The following DOCK11 variants were observed in gnomAD, a reference collection of about 807,000 sequenced individuals.
DOCK11 encodes dedicator of cytokinesis protein 11.
DOCK11 carries 70 observed loss-of-function variants against 169.1 expected under a neutral mutation model. The observed-to-expected ratio is 0.41, with a 90% CI of 0.34 to 0.51. The LOEUF is 0.51. Among genes scored for constraint, DOCK11 ranks in the 20% least tolerant of loss-of-function variants. DOCK11 has a pLI of 0.10. For missense variants in DOCK11, 1,166 were observed against 1,538.8 expected, an observed-to-expected ratio of 0.76 and a Z score of 4.05; for synonymous variants, 529 against 541.3, an observed-to-expected ratio of 0.98 and a Z score of 0.32.
intron 27 of DOCK11, among the ~76,000 whole-genome samples, chrX:118,610,013 A>G (rs1434089826): frequency 8.9e-6 from 1 of 112,177 alleles, no homozygotes; most frequent in African/African-American, 3.2e-5. Flanking sequence ...ACTCAGAAGC[A>G]TGATATTCCA....
Position 118,608,232 on chromosome X carries a change from A to G in DOCK11, c.2753A>G (p.Tyr918Cys). The G allele has an allele frequency of 1.7e-6, 2 of 1,201,809 alleles. No homozygotes were observed. The highest frequency in any genetic ancestry group is 5.9e-5 in the East Asian group (2 of 33,786). ...TTTTTTTTGTTTGTTTATTTGTAGTATAGCTTCCGACCTGAAAAACCGAGT... is the reference window on the plus strand; with the variant it reads ...TTTTTTTTGTTTGTTTATTTGTAGTGTAGCTTCCGACCTGAAAAACCGAGT... ...LDSYLRSFIK[Y>C]SFRPEKPSAP... The change falls in exon 26 of 53, where the codon TAT becomes TGT. Residue 918 changes from tyrosine to cysteine, a missense_variant and splice_region_variant. Physicochemically the swap from Tyr to Cys is radical, Grantham distance 194. Coordinates refer to ENST00000276202, the MANE Select transcript of DOCK11 (RefSeq NM_144658.4).
intron 1 of DOCK11, among the ~76,000 whole-genome samples, chrX:118,532,801 A>T (rs1569408876): frequency 1.9e-5 from 2 of 105,783 alleles, no homozygotes; most frequent in African/African-American, 3.5e-5. Flanking sequence ...AAAAAAAAGA[A>T]GGTGTGCCTG....
intron 1 of DOCK11, among the ~76,000 whole-genome samples, chrX:118,508,717 T>C (rs2057630381): frequency 8.9e-6 from 1 of 112,310 alleles, no homozygotes; most frequent in African/African-American, 3.2e-5. Context: ...CCTCCCTTGC[T>C]AACTTGACCC....
intron 39 of DOCK11, among the ~76,000 whole-genome samples, chrX:118,642,666 A>G (rs1438530371): frequency 9.0e-6 from 1 of 111,376 alleles, no homozygotes; most frequent in Non-Finnish European, 1.9e-5. Flanking sequence ...TAGCCACTAT[A>G]CCATGCCTTG....
chrX:118,612,704 G>A (rs1250201068), intron 28 of DOCK11, among the ~76,000 whole-genome samples: 1 of 111,973 alleles, frequency 8.9e-6, no homozygotes, highest in Non-Finnish European at 1.9e-5. Context: ...CAAGACAAGA[G>A]TTGAGCATGT....
chrX:118,653,981 C>G (rs2016006670), intron 42 of DOCK11, among the ~76,000 whole-genome samples: 1 of 112,141 alleles, frequency 8.9e-6, no homozygotes, highest in South Asian at 3.6e-4. Context: ...CATGACCTCC[C>G]ATTTGTGTAA....
intron 11 of DOCK11, 45 bp from the exon 12 acceptor site, chrX:118,573,761 C>T: frequency 1.8e-6 from 2 of 1,098,160 alleles, no homozygotes; most frequent in Non-Finnish European, 2.5e-6. Flanking sequence ...CCGCCATGCC[C>T]CCACTAAAGT....
intron 1 of DOCK11, among the ~76,000 whole-genome samples, chrX:118,500,103 C>T (rs2057564556): frequency 9.4e-6 from 1 of 106,743 alleles, no homozygotes; most frequent in East Asian, 2.9e-4. Flanking sequence ...GACTGGAGTG[C>T]GGTGGCGGGA....
chrX:118,627,512 A>C lies in DOCK11; in HGVS notation c.3597A>C (p.Arg1199Ser), dbSNP rs748409909. The change falls in exon 33 of 53, where the codon AGA becomes AGC. Residue 1199 changes from arginine (R) to serine (S), a missense_variant. Arg to Ser is a moderately radical substitution (Grantham distance 110, BLOSUM62 -1). Coordinates refer to ENST00000276202, the MANE Select transcript of DOCK11 (RefSeq NM_144658.4). ...ATCATATTCTGTTACAGGCATCCAG[A>C]GATGAGTTTCCATGTGGCTTTACTT... Reference protein sequence around the residue: ...SCAAMPNSASRDEFPCGFTSP... With the variant: ...SCAAMPNSASSDEFPCGFTSP... 1 of 1,206,844 alleles carries C rather than the reference A, an allele frequency of 8.3e-7. No individual in the cohort carries two copies. The highest frequency in any genetic ancestry group is 1.1e-6 in the Non-Finnish European group (1 of 891,311).
At chrX:118,605,401 C>A in intron 24 of DOCK11, 45 bp downstream of exon 24, 1 of 946,517 alleles carries the variant, frequency 1.1e-6, no homozygotes, top group Non-Finnish European at 1.5e-6. Context: ...TATTTGAGAT[C>A]TTTCTTATTT....
In DOCK11 at chrX:118,531,412, C is replaced by CAAAAAAAAAA. The variant is rs60932296; in HGVS notation, c.103-11283_103-11274dup. Among the ~76,000 whole-genome samples the CAAAAAAAAAA allele has an allele frequency of 3.4e-4, 10 of 29,205 alleles. 3 individuals carry two copies. The highest frequency in any genetic ancestry group is 2.4e-3 in the Admixed American group (4 of 1,634). The allele number at this position is 29,205 out of a possible 115,157, so 25.4% of individuals were successfully genotyped here. On this transcript the variant is annotated intron_variant, in intron 1 of 52. Coordinates refer to ENST00000276202, the MANE Select transcript of DOCK11 (RefSeq NM_144658.4). ...TCGGGGCTGCAGTGAGCCATATACT[C>CAAAAAAAAAA]AAAAAAAAAAAAAAAAAAAAAAAAA...
At position 118,599,121 on chromosome X, in the gene DOCK11, T is replaced by A. The variant is rs377209681; in HGVS notation, c.2473-18T>A. 264 of 1,182,973 alleles carry A rather than the reference T, an allele frequency of 2.2e-4. 1 individual carries two copies. Among genetic ancestry groups the A allele is most frequent in the Admixed American group, 1.3e-3 (57 of 45,228 alleles). ...TAATGAATCAAATTTCATATGGCTG[T>A]TTCCATCTGTGTTCCAGGATCTGCA... On this transcript the variant is annotated intron_variant, in intron 22 of 52. Coordinates refer to ENST00000276202, the MANE Select transcript of DOCK11 (RefSeq NM_144658.4).
Position 118,590,294 on chromosome X carries a change from T to C in DOCK11, c.2131T>C (p.Tyr711His). 8.4e-7 allele frequency: 1 copy of C among 1,192,935 alleles called. No individual in the cohort carries two copies. Among genetic ancestry groups the C allele is most frequent in the Non-Finnish European group, 1.1e-6 (1 of 879,498 alleles). ...VSHHNQNPEF[Y>H]DEIKIELPIH... ...GCATCACAACCAAAATCCAGAGTTC[T>C]ATGATGAGGTAAAAATATATTATCC... Residue 711 changes from tyrosine to histidine, a missense_variant, in exon 19 of 53, where the codon TAT becomes CAT. By Grantham distance (83) the Tyr-to-His change is moderately conservative. Coordinates refer to ENST00000276202, the MANE Select transcript of DOCK11 (RefSeq NM_144658.4).
At chrX:118,663,339 T>G (rs936516586) in intron 45 of DOCK11, among the ~76,000 whole-genome samples, 2 of 111,946 alleles carry the variant, frequency 1.8e-5, no homozygotes, top group African/African-American at 6.5e-5. Flanking sequence ...GAAAAAAGAC[T>G]TTTGAATAAT....
chrX:118,532,831 C>T (rs1294822222), intron 1 of DOCK11, among the ~76,000 whole-genome samples: 1 of 104,813 alleles, frequency 9.5e-6, no homozygotes, highest in Non-Finnish European at 2.0e-5. Context: ...GAGTGGGATA[C>T]AGGATAAACG....
At chrX:118,504,027 A>G (rs1468882054) in intron 1 of DOCK11, among the ~76,000 whole-genome samples, 1 of 110,734 alleles carries the variant, frequency 9.0e-6, no homozygotes, top group African/African-American at 3.3e-5. Context: ...AGAGGCTAAT[A>G]GGATAGTTCC....
intron 1 of DOCK11, among the ~76,000 whole-genome samples, chrX:118,539,519 G>A (rs2011883795): frequency 9.0e-6 from 1 of 111,221 alleles, no homozygotes; most frequent in African/African-American, 3.3e-5. Flanking sequence ...GAGATCAATA[G>A]TATAGCATGC....
intron 30 of DOCK11, among the ~76,000 whole-genome samples, chrX:118,617,562 T>C (rs760608645): frequency 1.2e-4 from 13 of 108,956 alleles, no homozygotes; most frequent in African/African-American, 4.3e-4. Flanking sequence ...CCAACCATGA[T>C]ATTAACATCT....
chrX:118,680,308 G>C (rs1369986160), intron 48 of DOCK11, among the ~76,000 whole-genome samples, 174 bp from the exon 49 acceptor site: 1 of 111,171 alleles, frequency 9.0e-6, no homozygotes, highest in Admixed American at 9.6e-5. Context: ...TCAGAAGTAA[G>C]TGATTTTTAA....
Sources: allele counts gnomAD v4.1 joint callset (sites outside exome capture counted in the v4.1 genomes callset), GRCh38; gene constraint gnomAD v4.1.1; transcripts MANE v1.5; gene names NCBI Gene and HGNC (gene_info 2026-07-23, HGNC 2026-07-21).